Variants in ARHGEF10L observed in about 807,000 individuals in gnomAD.
The protein encoded by ARHGEF10L is rho guanine nucleotide exchange factor 10-like protein.
A neutral mutation model predicts 141.2 loss-of-function variants in ARHGEF10L; 69 were observed. The ratio of observed to expected loss-of-function variants is 0.49; its 90% CI spans 0.40 to 0.60. The LOEUF is 0.60. ARHGEF10L is among the 20% of genes least tolerant of loss of function. ARHGEF10L has a pLI of 0.00. For missense variants in ARHGEF10L, 1,482 were observed against 1,734.3 expected (o/e 0.85, Z 2.58); for synonymous variants, 711 against 718.5 (o/e 0.99, Z 0.17).
intron 1 of ARHGEF10L, among the ~76,000 whole-genome samples, chr1:17,566,112 G>A (rs759960624): frequency 3.3e-5 from 5 of 152,190 alleles, no homozygotes; most frequent in Non-Finnish European, 2.9e-5. Context: ...GCATTAACAG[G>A]CCAGCGTCTG....
chr1:17,646,519 C>T (rs938893917), intron 21 of ARHGEF10L, among the ~76,000 whole-genome samples: 1 of 152,122 alleles, frequency 6.6e-6, no homozygotes, highest in African/African-American at 2.4e-5. Context: ...GAGGTTTCGG[C>T]CTTCATAGAA....
chr1:17,516,443 T>C, the ARHGEF10L span, among the ~76,000 whole-genome samples: 1 of 152,156 alleles, frequency 6.6e-6, no homozygotes, highest in Non-Finnish European at 1.5e-5. Flanking sequence ...ATTTCCACCC[T>C]TCAACAGATG....
chr1:17,638,100 C>T (rs948399729), intron 19 of ARHGEF10L, 97 bp downstream of exon 19: 2 of 1,103,086 alleles, frequency 1.8e-6, no homozygotes, highest in African/African-American at 3.2e-5. Flanking sequence ...TCTCCTGGCC[C>T]ATGTCCCCGA....
chr1:17,686,891 G>T (rs2064648185), intron 26 of ARHGEF10L, among the ~76,000 whole-genome samples: 2 of 151,102 alleles, frequency 1.3e-5, no homozygotes, highest in South Asian at 4.2e-4. Context: ...ATCCTGAAAG[G>T]CTCGTCCACA....
chr1:17,610,039 C>G (rs892082848), intron 7 of ARHGEF10L, among the ~76,000 whole-genome samples: 5 of 152,212 alleles, frequency 3.3e-5, no homozygotes, highest in Admixed American at 3.3e-4. Flanking sequence ...CCCATGTTGT[C>G]CCCGGCCCTC....
At chr1:17,658,634 C>T (rs780504829) in intron 25 of ARHGEF10L, among the ~76,000 whole-genome samples, 3 of 152,138 alleles carry the variant, frequency 2.0e-5, no homozygotes, top group South Asian at 4.1e-4. Context: ...TTACTGAGCA[C>T]GTACTATATG....
At chr1:17,537,962 A>G (rs913155192), upstream of ARHGEF10L, among the ~76,000 whole-genome samples, 3 of 151,882 alleles carry the variant, frequency 2.0e-5, no homozygotes, top group Non-Finnish European at 2.9e-5. Context: ...CTGTAGTGCC[A>G]GCTACTTGCA....
chr1:17,646,501 T>C (rs147227617), intron 21 of ARHGEF10L, among the ~76,000 whole-genome samples: 10 of 151,986 alleles, frequency 6.6e-5, no homozygotes, highest in Middle Eastern at 3.4e-3. Flanking sequence ...TAGAAGGAAA[T>C]AGGGTGGGAG....
chr1:17,603,883 A>G lies in ARHGEF10L; in HGVS notation c.433+292A>G, dbSNP rs1425816613. ...GTTCCTCCTTCAGGAAAATGGGGCC[A>G]TACCCCAGGCTTTCTGGGGCTGTTG... is the stretch of plus-strand genomic sequence containing the variant. On this transcript the variant is annotated intron_variant, in intron 6 of 28. Transcript: ENST00000361221. The surrounding 1 kb of genome is among the most constrained non-coding windows in gnomAD (Gnocchi z 4.8). Among the ~76,000 whole-genome samples the G allele has an allele frequency of 6.6e-6, 1 of 152,224 alleles. No homozygotes were observed. The highest frequency in any genetic ancestry group is 1.5e-5 in the Non-Finnish European group (1 of 68,038).
intron 21 of ARHGEF10L, among the ~76,000 whole-genome samples, chr1:17,642,650 C>T (rs1363388771): frequency 1.3e-5 from 2 of 152,152 alleles, no homozygotes; most frequent in African/African-American, 4.8e-5. Flanking sequence ...GGATCCAGTG[C>T]TGATATTGCT....
At chr1:17,557,050 AAAG>A (rs1490685375) in intron 1 of ARHGEF10L, among the ~76,000 whole-genome samples, 3 of 145,902 alleles carry the variant, frequency 2.1e-5, no homozygotes, top group African/African-American at 8.4e-5. Flanking sequence ...AAAAAAAAAA[AAAG>A]AAAATGTGGC....
chr1:17,544,629 AT>A lies in ARHGEF10L; in HGVS notation c.-44+4686del, dbSNP rs1462610279. On this transcript the variant is annotated intron_variant, in intron 1 of 28. Transcript: ENST00000361221. Reference sequence around the variant, plus strand: ...TATTTTATAAAGTAATAAATACTCAATTTTTTTCCTAATTATTTTATTCTAT... The same window carrying A: ...TATTTTATAAAGTAATAAATACTCAATTTTTTCCTAATTATTTTATTCTAT... Among the ~76,000 whole-genome samples, 4 of 151,802 alleles carry A rather than the reference AT, an allele frequency of 2.6e-5. No individual in the cohort carries two copies. In the South Asian group the frequency reaches 6.2e-4, roughly 24 times the overall value.
rs375093318 is a variant in ARHGEF10L, at chr1:17,687,548, C to A, written c.3010-25C>A. On this transcript the variant is annotated intron_variant, in intron 26 of 28. Coordinates refer to ENST00000361221, the MANE Select transcript of ARHGEF10L (RefSeq NM_018125.4). Reference sequence around the variant, plus strand: ...CTCAGCTGGCAGGCCCAGCCAGTATCGACACTCCTCCCTTTGTGCCACAGC... The same window carrying A: ...CTCAGCTGGCAGGCCCAGCCAGTATAGACACTCCTCCCTTTGTGCCACAGC... 4.3e-6 allele frequency: 7 copies of A among 1,611,186 alleles called. No homozygotes were observed. The African/African-American group carries it at 5.3e-5, about 12-fold the overall frequency.
At chr1:17,642,926 A>T (rs1335339448) in intron 21 of ARHGEF10L, among the ~76,000 whole-genome samples, 1 of 152,202 alleles carries the variant, frequency 6.6e-6, no homozygotes, top group Non-Finnish European at 1.5e-5. Context: ...GCTTTGCTGC[A>T]TGGGGCTTGG....
chr1:17,613,219 C>T (rs1193700367), intron 8 of ARHGEF10L, 45 bp downstream of exon 8: 2 of 1,499,544 alleles, frequency 1.3e-6, no homozygotes, highest in East Asian at 2.3e-5. Context: ...GGGCTGTTTC[C>T]AGCTGCAGCT....
chr1:17,528,615 T>A, the ARHGEF10L span, among the ~76,000 whole-genome samples: 1 of 152,144 alleles, frequency 6.6e-6, no homozygotes, highest in Non-Finnish European at 1.5e-5. Flanking sequence ...ATAATTTTCA[T>A]CCATCCATCC....
intron 25 of ARHGEF10L, among the ~76,000 whole-genome samples, chr1:17,657,135 C>T (rs2062316796): frequency 6.6e-6 from 1 of 152,166 alleles, no homozygotes; most frequent in African/African-American, 2.4e-5. Context: ...GAGGGCAAAG[C>T]ACAGGGCCAG....
At chr1:17,608,723 TC>T (rs2081399435) in intron 7 of ARHGEF10L, among the ~76,000 whole-genome samples, 1 of 152,154 alleles carries the variant, frequency 6.6e-6, no homozygotes, top group Admixed American at 6.5e-5. Context: ...GGGGACAGCT[TC>T]TTACAGGCCC....
the ARHGEF10L span, among the ~76,000 whole-genome samples, chr1:17,529,451 G>A: frequency 1.3e-5 from 2 of 152,220 alleles, no homozygotes; most frequent in Non-Finnish European, 2.9e-5. Context: ...TTCTCAGGGT[G>A]GGGAGGGCTA....
Sources: allele counts gnomAD v4.1 joint callset (sites outside exome capture counted in the v4.1 genomes callset), GRCh38; gene constraint gnomAD v4.1.1; non-coding constraint Gnocchi (gnomAD v3.1); transcripts MANE v1.5; gene names NCBI Gene and HGNC (gene_info 2026-07-23, HGNC 2026-07-21).